The following CANT1 variants were observed in gnomAD, a reference collection of about 807,000 sequenced individuals.
The protein encoded by CANT1 is soluble calcium-activated nucleotidase 1.
Under a neutral mutation model 30.0 loss-of-function variants are expected in CANT1, and 26 were observed. The ratio of observed to expected loss-of-function variants is 0.87; its 90% CI spans 0.64 to 1.20. The LOEUF is 1.20. CANT1 is among the 50% of genes most tolerant of loss of function. The pLI is 0.00. For synonymous variants in CANT1, 246 were observed against 251.8 expected (o/e 0.98, Z 0.22); for missense variants, 518 against 563.0 (o/e 0.92, Z 0.81).
Position 78,995,262 on chromosome 17 carries a change from C to T in CANT1, c.632-41G>A, listed in dbSNP as rs778401783. 3.8e-6 allele frequency: 6 copies of T among 1,592,746 alleles called. No individual in the cohort carries two copies. The highest frequency in any genetic ancestry group is 5.1e-6 in the Non-Finnish European group (6 of 1,169,036). On this transcript the variant is annotated intron_variant, in intron 3 of 4. Coordinates refer to ENST00000392446, the MANE Select transcript of CANT1 (RefSeq NM_001159773.2). The surrounding 1 kb of genome is among the most constrained non-coding windows in gnomAD (Gnocchi z 5.7). Reference sequence around the variant, plus strand: ...GTCCTTAGGCCCCGCACCCAGCTCCCGCCGCACCCCTGCACCTGGCTCCCA... The same window carrying T: ...GTCCTTAGGCCCCGCACCCAGCTCCTGCCGCACCCCTGCACCTGGCTCCCA...
Position 78,997,989 on chromosome 17 carries a change from A to G in CANT1, c.-146-26T>C. The G allele has an allele frequency of 3.7e-6, 1 of 272,998 alleles. No individual in the cohort carries two copies. The highest frequency in any genetic ancestry group is 7.0e-6 in the Non-Finnish European group (1 of 143,134). 16.9% of individuals were successfully genotyped at this position (272,998 alleles called of 1,614,324 possible). A position where few individuals can be genotyped will look rare whatever the true frequency, so the allele number is the denominator to read the frequency against. ...CTAAAGAGAGAAGCGCAGGAGAGTCAGGTGGGAGGGGAAGGCTGACGGGGT... is the reference window on the plus strand; with the variant it reads ...CTAAAGAGAGAAGCGCAGGAGAGTCGGGTGGGAGGGGAAGGCTGACGGGGT... On this transcript the variant is annotated intron_variant, in intron 1 of 4. Coordinates refer to ENST00000392446, the MANE Select transcript of CANT1 (RefSeq NM_001159773.2). This position sits in a 1 kb window ranked among gnomAD's most constrained non-coding sequence, Gnocchi z 7.5.
In CANT1 at chr17:78,996,940, C is replaced by T. The variant is rs1440297746; in HGVS notation, c.631+52G>A. On this transcript the variant is annotated intron_variant, in intron 3 of 4. Coordinates refer to ENST00000392446, the MANE Select transcript of CANT1 (RefSeq NM_001159773.2). The surrounding 1 kb of genome is among the most constrained non-coding windows in gnomAD (Gnocchi z 5.1). ...TGTGCCTGTGTTTGCCAGCCAGGCC[C>T]TGAGCTCCCACTCCCCACCCACACC... The T allele has an allele frequency of 1.2e-6, 2 of 1,609,200 alleles. No homozygotes were observed. The highest frequency in any genetic ancestry group is 1.1e-5 in the South Asian group (1 of 91,006).
At position 78,996,682 on chromosome 17, in the gene CANT1, G is replaced by T. The variant is rs144438413; in HGVS notation, c.631+310C>A. On this transcript the variant is annotated intron_variant, in intron 3 of 4. Transcript: ENST00000392446. The surrounding 1 kb of genome is among the most constrained non-coding windows in gnomAD (Gnocchi z 5.1). ...GAACCTTTGAAGGTGTAAAAAGGGCGTGTTCCCAGAGGCTCCGAGAGCAGC... is the reference window on the plus strand; with the variant it reads ...GAACCTTTGAAGGTGTAAAAAGGGCTTGTTCCCAGAGGCTCCGAGAGCAGC... Among the ~76,000 whole-genome samples the T allele has an allele frequency of 2.6e-5, 4 of 152,196 alleles. No individual in the cohort carries two copies. Among genetic ancestry groups the T allele is most frequent in the African/African-American group, 7.2e-5 (3 of 41,436 alleles).
rs1233565422 is a variant in CANT1, at chr17:79,008,608, T to C, written c.-147+1056A>G. Among the ~76,000 whole-genome samples the C allele has an allele frequency of 1.3e-5, 2 of 151,958 alleles. No homozygotes were observed. The highest frequency in any genetic ancestry group is 2.9e-5 in the Non-Finnish European group (2 of 67,970). ...AAGAGACGGCTTTTCCAGGGGTCAC[T>C]AAGGGGGAAAGGTGTTTGGGAGAGA... On this transcript the variant is annotated intron_variant, in intron 1 of 4. Transcript: ENST00000392446. This position sits in a 1 kb window ranked among gnomAD's most constrained non-coding sequence, Gnocchi z 4.4.
chr17:78,992,747 C>A lies in CANT1; in HGVS notation c.*803G>T, dbSNP rs953786620. The A allele has an allele frequency of 1.7e-6, 1 of 595,172 alleles. No individual in the cohort carries two copies. Among genetic ancestry groups the A allele is most frequent in the East Asian group, 3.4e-5 (1 of 29,442 alleles). The allele number at this position is 595,172 out of a possible 1,614,324, so 36.9% of individuals were successfully genotyped here. ...TTCACCAGCCGCCACCGCTTCCTTACAATCTCCCGCACTGCTGGAGCGGGC... is the reference window on the plus strand; with the variant it reads ...TTCACCAGCCGCCACCGCTTCCTTAAAATCTCCCGCACTGCTGGAGCGGGC... On this transcript the variant is annotated 3_prime_UTR_variant, in exon 5 of 5. Coordinates refer to ENST00000392446, the MANE Select transcript of CANT1 (RefSeq NM_001159773.2).
rs530363419 is a variant in CANT1 at position 78,995,765 on chromosome 17, C to T, written c.632-544G>A. ...GGCTGTGTGGGAGCCTGTGTTCTAC[C>T]GTGTATTCTTATCATCCCTACACCC... On this transcript the variant is annotated intron_variant, in intron 3 of 4. Transcript: ENST00000392446. This position sits in a 1 kb window ranked among gnomAD's most constrained non-coding sequence, Gnocchi z 5.7. Among the ~76,000 whole-genome samples the T allele has an allele frequency of 6.6e-5, 10 of 152,236 alleles. No individual in the cohort carries two copies. Among genetic ancestry groups the T allele is most frequent in the South Asian group, 2.1e-4 (1 of 4,828 alleles).
At chr17:79,003,396 GC>G (rs2145849898) in intron 1 of CANT1, among the ~76,000 whole-genome samples, 2 of 144,654 alleles carry the variant, frequency 1.4e-5, no homozygotes, top group East Asian at 4.1e-4. Flanking sequence ...GGCTGCCGGC[GC>G]CTGCTGCAGG....
chr17:78,998,541 G>A lies in CANT1; in HGVS notation c.-146-578C>T, dbSNP rs892844493. On this transcript the variant is annotated intron_variant, in intron 1 of 4. Coordinates refer to ENST00000392446, the MANE Select transcript of CANT1 (RefSeq NM_001159773.2). The surrounding 1 kb of genome is among the most constrained non-coding windows in gnomAD (Gnocchi z 4.5). Reference sequence around the variant, plus strand: ...TCCCAGCTCACCCTCCACCCCAGGCGTGGCTCTGTGGCAGAGCCCCAGGGT... The same window carrying A: ...TCCCAGCTCACCCTCCACCCCAGGCATGGCTCTGTGGCAGAGCCCCAGGGT... Among the ~76,000 whole-genome samples, 1 of 152,242 alleles carries A rather than the reference G, an allele frequency of 6.6e-6. No individual in the cohort carries two copies. Among genetic ancestry groups the A allele is most frequent in the African/African-American group, 2.4e-5 (1 of 41,474 alleles).
Position 78,993,641 on chromosome 17 carries a change from G to A in CANT1, c.1115C>T (p.Ser372Phe). Residue 372 changes from serine (S) to phenylalanine (F), a missense_variant, in exon 5 of 5, where the codon TCC becomes TTC. Ser to Phe is a radical substitution (Grantham distance 155). Transcript: ENST00000392446. This position sits in a 1 kb window ranked among gnomAD's most constrained non-coding sequence, Gnocchi z 4.5. ...GTCCAGCGTGAAGGCCATGATGTAG[G>A]AGGCGACTCTGCCGCTGTCCTCCTC... The part of the protein sequence containing the change: ...KSEEDSGRVA[S>F]YIMAFTLDGR... The A allele has an allele frequency of 6.2e-7, 1 of 1,614,264 alleles. No individual in the cohort carries two copies. The highest frequency in any genetic ancestry group is 1.7e-5 in the Admixed American group (1 of 60,038).
intron 1 of CANT1, among the ~76,000 whole-genome samples, chr17:79,001,025 C>T (rs746468777): frequency 2.6e-5 from 4 of 152,138 alleles, no homozygotes; most frequent in African/African-American, 4.8e-5. Flanking sequence ...ACCGGGGGCC[C>T]CACCTTAGGC....
intron 1 of CANT1, among the ~76,000 whole-genome samples, chr17:79,007,428 G>C (rs1447014946): frequency 6.6e-6 from 1 of 152,160 alleles, no homozygotes; most frequent in Non-Finnish European, 1.5e-5. Flanking sequence ...TGATAGTACT[G>C]ACCCATTTCA....
Position 78,993,399 on chromosome 17 carries a change from C to A in CANT1, c.*151G>T. 8.5e-7 allele frequency: 1 copy of A among 1,173,148 alleles called. No homozygotes were observed. 72.7% of individuals were successfully genotyped at this position (1,173,148 alleles called of 1,614,324 possible). ...TCCGTGGGGCCCGGGGGTCCAGTGC[C>A]CGCACCACTATGGGGCCCGGGACTG... On this transcript the variant is annotated 3_prime_UTR_variant, in exon 5 of 5. Coordinates refer to ENST00000392446, the MANE Select transcript of CANT1 (RefSeq NM_001159773.2). This position sits in a 1 kb window ranked among gnomAD's most constrained non-coding sequence, Gnocchi z 4.5.
rs1195108072 is a variant in CANT1, at chr17:78,995,167, A to G, written c.686T>C (p.Leu229Pro). 1.2e-6 allele frequency: 2 copies of G among 1,613,862 alleles called. No homozygotes were observed. The highest frequency in any genetic ancestry group is 1.7e-6 in the Non-Finnish European group (2 of 1,179,930). ...CGTAGTGGTCGTCCACTCCTTGCCC[A>G]GGCCGCCCACGTACAGACGCTCGTC... ...VKDERLYVGG[L>P]GKEWTTTTGD... The change falls in exon 4 of 5, where the codon CTG becomes CCG. Residue 229 changes from leucine to proline, a missense_variant. Physicochemically the swap from Leu to Pro is moderately conservative, Grantham distance 98. Around this residue, in one of 3 missense-constraint regions of CANT1, gnomAD observed 48 missense variants for 82.5 expected, o/e 0.58. Transcript: ENST00000392446. The surrounding 1 kb of genome is among the most constrained non-coding windows in gnomAD (Gnocchi z 5.7).
intron 1 of CANT1, chr17:79,006,066 C>A (rs2071539519): frequency 6.6e-6 from 1 of 152,286 alleles, no homozygotes; most frequent in Admixed American, 6.5e-5. Flanking sequence ...AGACAGCACG[C>A]TCCTTAAAGG....
Position 78,997,197 on chromosome 17 carries a change from CT to C in CANT1, c.425del (p.Lys142ArgfsTer29). 1 of 1,614,210 alleles carries C rather than the reference CT, an allele frequency of 6.2e-7. No individual in the cohort carries two copies. Among genetic ancestry groups the C allele is most frequent in the South Asian group, 1.1e-5 (1 of 91,092 alleles). On this transcript the variant is annotated frameshift_variant, in exon 3 of 5. Transcript: ENST00000392446. LOFTEE classifies it high-confidence loss of function. This position sits in a 1 kb window ranked among gnomAD's most constrained non-coding sequence, Gnocchi z 7.5. ...GYLTLSDSGD[K>X]VAVEWDKDHG... is the part of the protein sequence containing the mutation. ...GGTCTTTGTCCCATTCCACGGCCAC[CT>C]TGTCCCCACTGTCTGACAGGGTCAG...
chr17:78,998,969 T>C lies in CANT1; in HGVS notation c.-146-1006A>G, dbSNP rs2071141869. Among the ~76,000 whole-genome samples, 1 of 152,192 alleles carries C rather than the reference T, an allele frequency of 6.6e-6. No individual in the cohort carries two copies. Among genetic ancestry groups the C allele is most frequent in the South Asian group, 2.1e-4 (1 of 4,832 alleles). On this transcript the variant is annotated intron_variant, in intron 1 of 4. Transcript: ENST00000392446. The surrounding 1 kb of genome is among the most constrained non-coding windows in gnomAD (Gnocchi z 4.5). ...GGACTCCAGTGGCTCCGTGCAATTCTGGGCCCCAAATATGTGGACCACGAG... is the reference window on the plus strand; with the variant it reads ...GGACTCCAGTGGCTCCGTGCAATTCCGGGCCCCAAATATGTGGACCACGAG...
At position 79,008,218 on chromosome 17, in the gene CANT1, G is replaced by A. The variant is rs1443917247; in HGVS notation, c.-147+1446C>T. The A allele has an allele frequency of 1.3e-5, 2 of 152,444 alleles. No homozygotes were observed. Among genetic ancestry groups the A allele is most frequent in the African/African-American group, 4.8e-5 (2 of 41,466 alleles). The allele number at this position is 152,444 out of a possible 1,614,324, so 9.4% of individuals were successfully genotyped here. A position where few individuals can be genotyped will look rare whatever the true frequency, so the allele number is the denominator to read the frequency against. On this transcript the variant is annotated intron_variant, in intron 1 of 4. Coordinates refer to ENST00000392446, the MANE Select transcript of CANT1 (RefSeq NM_001159773.2). The surrounding 1 kb of genome is among the most constrained non-coding windows in gnomAD (Gnocchi z 4.4). ...GGCCAGCAGGGAGGAGCACCTGGGA[G>A]GAGCCCCACTGCCGTTCCACAGGCT...
At chr17:79,007,249 A>C (rs1309258702) in intron 1 of CANT1, among the ~76,000 whole-genome samples, 1 of 152,248 alleles carries the variant, frequency 6.6e-6, no homozygotes, top group African/African-American at 2.4e-5. Flanking sequence ...CAACATGAAC[A>C]TTCTTAAGAA....
At chr17:79,006,255 T>A (rs60354054) in intron 1 of CANT1, 3,099 of 152,198 alleles carry the variant, frequency 0.02, 53 homozygotes, top group East Asian at 0.11. Flanking sequence ...CTCCTCCCCC[T>A]CCAAAGCCCG....
Sources: gnomAD v4.1 joint callset for allele counts (sites outside exome capture counted in the v4.1 genomes callset) on GRCh38, gnomAD v4.1.1 for gene constraint, gnomAD v4.1.1 regional missense constraint, Gnocchi (gnomAD v3.1) non-coding constraint, MANE v1.5 for transcripts, NCBI Gene and HGNC (gene_info 2026-07-23, HGNC 2026-07-21) for gene names.